Variants in STRADB observed in about 807,000 individuals in gnomAD.
STRADB encodes the protein STE20 related adaptor beta.
In STRADB, 34 loss-of-function variants were observed where a neutral mutation model predicts 52.1. The observed-to-expected ratio is 0.65, with a 90% CI of 0.50 to 0.87. The LOEUF is 0.87. Among genes scored for constraint, STRADB ranks in the 40% least tolerant of loss-of-function variants. The pLI, the probability that STRADB is intolerant of heterozygous loss-of-function variation, is 0.00. For synonymous variants in STRADB, 133 were observed against 174.5 expected (o/e 0.76, Z 1.87); for missense variants, 340 against 483.9 (o/e 0.70, Z 2.79).
chr2:201,457,422 C>G (rs1469161935), intron 2 of STRADB: 2 of 152,182 alleles, frequency 1.3e-5, no homozygotes, highest in Non-Finnish European at 2.9e-5. Flanking sequence ...GTACAGCTAT[C>G]TTGACATTGT....
chr2:201,453,170 A>C (rs1250510520), intron 1 of STRADB, among the ~76,000 whole-genome samples: 4 of 151,954 alleles, frequency 2.6e-5, no homozygotes, highest in African/African-American at 9.7e-5. Context: ...CAACCCTTTT[A>C]TTACTAACAA....
rs1358860966 is a variant in STRADB at position 201,475,735 on chromosome 2, A to G, written c.541A>G (p.Ile181Val). ...GLNYLHQNGCIHRSIKASHIL... is the reference protein window; with the variant it reads ...GLNYLHQNGCVHRSIKASHIL... ...GAACTATCTGCACCAAAATGGCTGT[A>G]TTCACAGGTATTTACTTATTTGTAT... The change falls in exon 7 of 12, where the codon ATT becomes GTT. Residue 181 changes from isoleucine (I) to valine (V), a missense_variant. Physicochemically the swap from Ile to Val is conservative, Grantham distance 29. Coordinates refer to ENST00000194530, the MANE Select transcript of STRADB (RefSeq NM_018571.6). 6.2e-7 allele frequency: 1 copy of G among 1,604,582 alleles called. No homozygotes were observed. Among genetic ancestry groups the G allele is most frequent in the South Asian group, 1.1e-5 (1 of 88,874 alleles).
At chr2:201,453,614 A>G (rs752744925) in intron 1 of STRADB, among the ~76,000 whole-genome samples, 8 of 152,204 alleles carry the variant, frequency 5.3e-5, no homozygotes, top group Non-Finnish European at 1.2e-4. Context: ...ATGGTTATTG[A>G]AACATTTGAC....
chr2:201,479,527 A>C lies in STRADB; in HGVS notation c.1109A>C (p.Lys370Thr). The C allele has an allele frequency of 6.2e-7, 1 of 1,602,808 alleles. No homozygotes were observed. Among genetic ancestry groups the C allele is most frequent in the Non-Finnish European group, 8.5e-7 (1 of 1,177,572 alleles). Residue 370 changes from lysine (K) to threonine (T), a missense_variant, in exon 11 of 12, where the codon AAA becomes ACA. Lys to Thr is a moderately conservative substitution (Grantham distance 78). Coordinates refer to ENST00000194530, the MANE Select transcript of STRADB (RefSeq NM_018571.6). ...AGTTTATTGTCCCATGTTTTCTTCAAACAGGTGAGCTGATCTATCATCCGT... is the reference window on the plus strand; with the variant it reads ...AGTTTATTGTCCCATGTTTTCTTCACACAGGTGAGCTGATCTATCATCCGT... ...ASSLLSHVFF[K>T]QMKEESQDSI...
chr2:201,456,532 C>T (rs1952129960), intron 2 of STRADB, among the ~76,000 whole-genome samples: 1 of 151,980 alleles, frequency 6.6e-6, no homozygotes, highest in African/African-American at 2.4e-5. Context: ...TCACATTTTT[C>T]TGCAATGGTG....
At chr2:201,454,915 G>A (rs1402749553) in intron 2 of STRADB, 63 bp downstream of exon 2, 2 of 1,497,564 alleles carry the variant, frequency 1.3e-6, no homozygotes, top group African/African-American at 2.8e-5. Flanking sequence ...TTAATGCCAA[G>A]CCATAATAAA....
chr2:201,460,838 A>G, intron 3 of STRADB: 1 of 297,804 alleles, frequency 3.4e-6, no homozygotes, highest in South Asian at 3.0e-5. Context: ...ATGTGTATAT[A>G]TCTCTTCAAT....
chr2:201,460,370 A>G (rs1021241399), intron 3 of STRADB, among the ~76,000 whole-genome samples: 2 of 152,154 alleles, frequency 1.3e-5, no homozygotes, highest in Admixed American at 6.5e-5. Context: ...AGCATAAATC[A>G]TTTCTTTGTG....
At chr2:201,477,900 C>CT in intron 8 of STRADB, 110 bp downstream of exon 8, 2 of 1,331,102 alleles carry the variant, frequency 1.5e-6, no homozygotes, top group African/African-American at 2.9e-5. Flanking sequence ...TTCTGCAAGA[C>CT]TTTATTTCTC....
At chr2:201,470,944 A>T (rs746619549) in intron 4 of STRADB, among the ~76,000 whole-genome samples, 1 of 152,226 alleles carries the variant, frequency 6.6e-6, no homozygotes, top group Non-Finnish European at 1.5e-5. Context: ...AAGCTGCATG[A>T]CAAGGACCAG....
intron 1 of STRADB, among the ~76,000 whole-genome samples, chr2:201,452,313 A>G (rs1952057565): frequency 6.6e-6 from 1 of 151,930 alleles, no homozygotes; most frequent in Non-Finnish European, 1.5e-5. Flanking sequence ...TATCGAAGAC[A>G]CCCTCAGACC....
chr2:201,471,761 C>T (rs1952393300), intron 4 of STRADB, among the ~76,000 whole-genome samples: 1 of 152,166 alleles, frequency 6.6e-6, no homozygotes, highest in African/African-American at 2.4e-5. Flanking sequence ...AAAATTACAG[C>T]ACCTATATTC....
rs1191652425 is a variant in STRADB at position 201,473,023 on chromosome 2, A to G, written c.262A>G (p.Ile88Val). 6.2e-7 allele frequency: 1 copy of G among 1,612,918 alleles called. No homozygotes were observed. The highest frequency in any genetic ancestry group is 2.2e-5 in the East Asian group (1 of 44,858). Residue 88 changes from isoleucine (I) to valine (V), a missense_variant, in exon 5 of 12, where the codon ATA becomes GTA. Transcript: ENST00000194530. ...TACTCCCACAGGAACACTGGTAACT[A>G]TAAAAATTACAAATCTGGAAAACTG... ...RHTPTGTLVT[I>V]KITNLENCNE...
intron 2 of STRADB, among the ~76,000 whole-genome samples, chr2:201,456,337 C>T (rs1952127319): frequency 6.6e-6 from 1 of 152,172 alleles, no homozygotes; most frequent in African/African-American, 2.4e-5. Flanking sequence ...TGTGAAAGGG[C>T]ATTCAGTCTA....
intron 2 of STRADB, among the ~76,000 whole-genome samples, chr2:201,457,914 C>G (rs1250941423): frequency 2.0e-5 from 3 of 152,034 alleles, no homozygotes; most frequent in Non-Finnish European, 2.9e-5. Context: ...ATCCCAGCTA[C>G]TCAGGAAGTT....
At chr2:201,467,302 A>C (rs1952319402) in intron 3 of STRADB, among the ~76,000 whole-genome samples, 1 of 152,232 alleles carries the variant, frequency 6.6e-6, no homozygotes, top group South Asian at 2.1e-4. Context: ...CTGCAAGCAG[A>C]CATTTGTGGG....
chr2:201,464,943 G>A (rs965420758), intron 3 of STRADB, among the ~76,000 whole-genome samples: 1 of 152,164 alleles, frequency 6.6e-6, no homozygotes, highest in Non-Finnish European at 1.5e-5. Context: ...GGGCTCTTCT[G>A]TCAGCTTGTG....
rs569855212 is a variant in STRADB, at chr2:201,456,319, G to A, written c.12+1467G>A. 2.7e-4 allele frequency among the ~76,000 whole-genome samples: 41 copies of A among 152,274 alleles called. 1 individual carries two copies. The highest frequency in any genetic ancestry group is 8.9e-4 in the African/African-American group (37 of 41,570). On this transcript the variant is annotated intron_variant, in intron 2 of 11. Transcript: ENST00000194530. ...ACAATTTTATATCAATTTTTAAGTTGGAAAAGATGTGAAAGGGCATTCAGT... is the reference window on the plus strand; with the variant it reads ...ACAATTTTATATCAATTTTTAAGTTAGAAAAGATGTGAAAGGGCATTCAGT...
chr2:201,477,559 T>C, intron 7 of STRADB, 60 bp from the exon 8 acceptor site: 1 of 1,516,264 alleles, frequency 6.6e-7, no homozygotes, highest in Non-Finnish European at 9.0e-7. Flanking sequence ...CCTGCCAGAT[T>C]TTTATTCTTT....
Sources: allele counts gnomAD v4.1 joint callset (sites outside exome capture counted in the v4.1 genomes callset), GRCh38; gene constraint gnomAD v4.1.1; transcripts MANE v1.5; gene names NCBI Gene and HGNC (gene_info 2026-07-23, HGNC 2026-07-21).